Variants in RTN3 observed in about 807,000 individuals in gnomAD.
The protein encoded by RTN3 is reticulon 3.
RTN3 carries 49 observed loss-of-function variants against 77.8 expected under a neutral mutation model. The observed-to-expected ratio is 0.63, with a 90% confidence interval of 0.50 to 0.80. The LOEUF (loss-of-function observed/expected upper bound fraction) is 0.80, where lower values mean the gene tolerates loss of function less well. Among genes scored for constraint, RTN3 ranks in the 30% least tolerant of loss-of-function variants. RTN3 has a pLI of 0.00. For synonymous variants in RTN3, 464 were observed against 446.9 expected, an observed-to-expected ratio of 1.04 and a Z score of -0.48; for missense variants, 1,236 against 1,211.9, an observed-to-expected ratio of 1.02 and a Z score of -0.29.
chr11:63,698,031 C>T (rs1232300785), intron 1 of RTN3, among the ~76,000 whole-genome samples: 1 of 152,048 alleles, frequency 6.6e-6, no homozygotes, highest in East Asian at 1.9e-4. Context: ...GTTTTTTAAA[C>T]TTACCTTCAC....
At chr11:63,697,497 C>T (rs1330276692) in intron 1 of RTN3, among the ~76,000 whole-genome samples, 2 of 101,306 alleles carry the variant, frequency 2.0e-5, no homozygotes, top group Non-Finnish European at 2.3e-5. Context: ...TATTTTGAGA[C>T]GAAGTTTCAC....
intron 1 of RTN3, among the ~76,000 whole-genome samples, chr11:63,690,988 A>G (rs749370666): frequency 6.6e-6 from 1 of 151,960 alleles, no homozygotes; most frequent in Non-Finnish European, 1.5e-5. Context: ...TTATTACCCC[A>G]AAGAGAAACC....
At chr11:63,706,937 C>G (rs1223374672) in intron 2 of RTN3, among the ~76,000 whole-genome samples, 3 of 149,406 alleles carry the variant, frequency 2.0e-5, no homozygotes, top group Non-Finnish European at 4.4e-5. Context: ...TACTCTGTCA[C>G]CCAGGCTGGA....
intron 5 of RTN3, 50 bp downstream of exon 5, chr11:63,752,695 G>T: frequency 6.3e-7 from 1 of 1,587,548 alleles, no homozygotes; most frequent in Non-Finnish European, 8.6e-7. Flanking sequence ...AGCAGGGACT[G>T]GGTTATAATT....
At position 63,720,117 on chromosome 11, in the gene RTN3, A is replaced by G. The variant is rs371240135; in HGVS notation, c.1615A>G (p.Ile539Val). Residue 539 changes from isoleucine to valine, a missense_variant, in exon 3 of 9, where the codon ATC becomes GTC. Around this residue, in one of 3 missense-constraint regions of RTN3, gnomAD observed 1,056 missense variants for 990.4 expected, o/e 1.07. Coordinates refer to ENST00000377819, the MANE Select transcript of RTN3 (RefSeq NM_001265589.2). ...TGTTGTAAAAACAGGTGAAAGAGAA[A>G]TCAAAGAGATTCCCAGTTGTGAGAG... ...SAVVKTGERE[I>V]KEIPSCEREE... 48 of 1,613,346 alleles carry G rather than the reference A, an allele frequency of 3.0e-5. No individual in the cohort carries two copies. In the East Asian group the frequency reaches 3.6e-4, roughly 12 times the overall value.
intron 6 of RTN3, 117 bp from the exon 7 acceptor site, chr11:63,753,545 T>G: frequency 3.3e-6 from 3 of 908,760 alleles, no homozygotes; most frequent in Non-Finnish European, 5.2e-6. Context: ...TTTCTCATTT[T>G]GAGGAATGCC....
At chr11:63,738,516 C>T (rs778752426) in intron 3 of RTN3, among the ~76,000 whole-genome samples, 6 of 151,864 alleles carry the variant, frequency 4.0e-5, no homozygotes, top group Non-Finnish European at 7.4e-5. Flanking sequence ...GTGGCATGTA[C>T]CTGTAGTCCC....
At chr11:63,735,280 A>G (rs1478277130) in intron 3 of RTN3, among the ~76,000 whole-genome samples, 1 of 152,144 alleles carries the variant, frequency 6.6e-6, no homozygotes, top group Non-Finnish European at 1.5e-5. Flanking sequence ...TGTGAGCCAC[A>G]ATGCCCGACC....
Position 63,718,731 on chromosome 11 carries a change from C to A in RTN3, c.229C>A (p.Pro77Thr). Residue 77 changes from proline (P) to threonine (T), a missense_variant, in exon 3 of 9, where the codon CCA becomes ACA. Transcript: ENST00000377819. ...ATTGAGCTCTCTTTGCTCTGATGAG[C>A]CATCTTCAGAAATTATGACTTCTTC... ...EGLSSLCSDE[P>T]SSEIMTSSFL... 6.3e-7 allele frequency: 1 copy of A among 1,597,018 alleles called. No homozygotes were observed. The highest frequency in any genetic ancestry group is 8.5e-7 in the Non-Finnish European group (1 of 1,175,128).
intron 3 of RTN3, among the ~76,000 whole-genome samples, chr11:63,726,860 TGAAAA>T (rs2012310384): frequency 4.5e-5 from 4 of 89,454 alleles, no homozygotes; most frequent in Non-Finnish European, 6.8e-5. Context: ...AGACTCCGTC[TGAAAA>T]AAAAAAAAAA....
chr11:63,683,445 T>C (rs1011307711), intron 1 of RTN3, among the ~76,000 whole-genome samples: 6 of 152,254 alleles, frequency 3.9e-5, no homozygotes, highest in African/African-American at 1.4e-4. Context: ...AATTTGGCTC[T>C]GTAAGCTCAA....
At chr11:63,697,340 C>G (rs1044606876) in intron 1 of RTN3, among the ~76,000 whole-genome samples, 3 of 151,600 alleles carry the variant, frequency 2.0e-5, no homozygotes, top group African/African-American at 7.3e-5. Context: ...GAGCCTCACT[C>G]TGTCGCCCAG....
intron 3 of RTN3, among the ~76,000 whole-genome samples, chr11:63,729,924 A>T (rs151188272): frequency 6.6e-6 from 1 of 151,932 alleles, no homozygotes; most frequent in African/African-American, 2.4e-5. Flanking sequence ...TTTTGGGACT[A>T]TAGGTATATG....
At chr11:63,725,457 CTTTTTT>C (rs2012184361) in intron 3 of RTN3, among the ~76,000 whole-genome samples, 5 of 137,406 alleles carry the variant, frequency 3.6e-5, no homozygotes, top group South Asian at 2.3e-4. Flanking sequence ...TTTTCTTTTT[CTTTTTT>C]GAGATGGAGG....
chr11:63,745,428 T>C (rs1472204630), intron 3 of RTN3, among the ~76,000 whole-genome samples: 1 of 152,216 alleles, frequency 6.6e-6, no homozygotes, highest in Admixed American at 6.5e-5. Flanking sequence ...TAGAAAGTGA[T>C]GAAGGCAGGG....
At chr11:63,718,590 G>GTA (rs1234675831) in intron 2 of RTN3, 112 bp from the exon 3 acceptor site, 14 of 660,740 alleles carry the variant, frequency 2.1e-5, no homozygotes, top group South Asian at 9.9e-5. Context: ...TCCTGTGTGT[G>GTA]TATATATATA....
At position 63,681,560 on chromosome 11, in the gene RTN3, C is replaced by T; in HGVS notation, c.-77C>T. 2 of 1,426,378 alleles carry T rather than the reference C, an allele frequency of 1.4e-6. No homozygotes were observed. Among genetic ancestry groups the T allele is most frequent in the Non-Finnish European group, 1.9e-6 (2 of 1,065,408 alleles). The allele number at this position is 1,426,378 out of a possible 1,614,324, so 88.4% of individuals were successfully genotyped here. A position where few individuals can be genotyped will look rare whatever the true frequency, so the allele number is the denominator to read the frequency against. On this transcript the variant is annotated 5_prime_UTR_variant, in exon 1 of 9. Coordinates refer to ENST00000377819, the MANE Select transcript of RTN3 (RefSeq NM_001265589.2). ...AAAGGGACTTGAGCGAGCCAGTTGC[C>T]GGATTATTCTATTTCCCCTCCCTCT...
At chr11:63,721,080 T>C (rs1419942441) in intron 3 of RTN3, 48 bp downstream of exon 3, 1 of 1,486,692 alleles carries the variant, frequency 6.7e-7, no homozygotes, top group Admixed American at 2.2e-5. Flanking sequence ...CTGTGATTGA[T>C]TACTTATCAG....
chr11:63,716,979 C>CAAAAAAAAAAAAAA (rs6144367), intron 2 of RTN3, among the ~76,000 whole-genome samples: 5 of 120,120 alleles, frequency 4.2e-5, no homozygotes, highest in Admixed American at 1.0e-4. Context: ...AAAAAAAAAA[C>CAAAAAAAAAAAAAA]AAAAAAAAAA....
Sources: allele counts gnomAD v4.1 joint callset (sites outside exome capture counted in the v4.1 genomes callset), GRCh38; gene constraint gnomAD v4.1.1; regional missense constraint gnomAD v4.1.1; transcripts MANE v1.5; gene names NCBI Gene and HGNC (gene_info 2026-07-23, HGNC 2026-07-21).